Variants in UXS1 observed in about 807,000 individuals in gnomAD.
UXS1 encodes the protein UDP-glucuronate decarboxylase 1, also known as UDP-glucuronic acid decarboxylase 1.
In UXS1, 33 loss-of-function variants were observed where a neutral mutation model predicts 62.6. That is an observed-to-expected ratio of 0.53 (90% confidence interval 0.40 to 0.70). The LOEUF is 0.70. Among genes scored for constraint, UXS1 ranks in the 30% least tolerant of loss-of-function variants. The probability of loss-of-function intolerance (pLI) is 0.00; values close to 1 mark genes in which losing one functional copy is unlikely to be tolerated. For synonymous variants in UXS1, 213 were observed against 206.8 expected, an observed-to-expected ratio of 1.03 and a Z score of -0.26; for missense variants, 434 against 556.3, an observed-to-expected ratio of 0.78 and a Z score of 2.21.
chr2:106,129,293 TG>T (rs1680231062), intron 7 of UXS1, among the ~76,000 whole-genome samples: 1 of 152,194 alleles, frequency 6.6e-6, no homozygotes, highest in Non-Finnish European at 1.5e-5. Context: ...GAGCCACCAC[TG>T]CCTCTTTCCA....
intron 5 of UXS1, among the ~76,000 whole-genome samples, chr2:106,152,256 A>G (rs983811566): frequency 2.0e-5 from 3 of 152,194 alleles, no homozygotes; most frequent in Admixed American, 6.5e-5. Context: ...GTTCAAGACC[A>G]GCCTGGCCAA....
Position 106,180,100 on chromosome 2 carries a change from C to T in UXS1, c.95-14017G>A, listed in dbSNP as rs1684146461. ...CTCCAGCCTAGGCGACAGAGCGAGACTCCGTCTCAAAAAAGAAAGATTTCC... is the reference window on the plus strand; with the variant it reads ...CTCCAGCCTAGGCGACAGAGCGAGATTCCGTCTCAAAAAAGAAAGATTTCC... On this transcript the variant is annotated intron_variant, in intron 1 of 14. Coordinates refer to ENST00000283148, the MANE Select transcript of UXS1 (RefSeq NM_001253875.2). Among the ~76,000 whole-genome samples, 3 of 152,322 alleles carry T rather than the reference C, an allele frequency of 2.0e-5. No homozygotes were observed. In the South Asian group the frequency reaches 6.2e-4, roughly 32 times the overall value.
intron 6 of UXS1, among the ~76,000 whole-genome samples, chr2:106,140,480 C>A (rs1281307844): frequency 1.3e-5 from 2 of 152,104 alleles, no homozygotes; most frequent in Admixed American, 1.3e-4. Flanking sequence ...GGACTCAATC[C>A]CCTTGGCAAA....
chr2:106,136,711 A>G (rs1292135698), intron 6 of UXS1, among the ~76,000 whole-genome samples: 3 of 54,716 alleles, frequency 5.5e-5, no homozygotes, highest in Admixed American at 4.8e-4. Flanking sequence ...GAATTGAACA[A>G]TGAGATCACA....
intron 10 of UXS1, among the ~76,000 whole-genome samples, chr2:106,105,741 C>A (rs899360540): frequency 3.3e-5 from 5 of 152,232 alleles, no homozygotes; most frequent in Admixed American, 2.6e-4. Flanking sequence ...CGGATCACGC[C>A]ACTCACTGAG....
chr2:106,173,705 C>T (rs1683703811), intron 1 of UXS1, among the ~76,000 whole-genome samples: 1 of 152,214 alleles, frequency 6.6e-6, no homozygotes, highest in South Asian at 2.1e-4. Context: ...GGCTGTGCTC[C>T]CACACAACTT....
chr2:106,176,389 T>A (rs1683881669), intron 1 of UXS1, among the ~76,000 whole-genome samples: 1 of 152,226 alleles, frequency 6.6e-6, no homozygotes, highest in Non-Finnish European at 1.5e-5. Context: ...AAGAAAAGCA[T>A]TCAAAGTTTT....
At chr2:106,152,717 A>G (rs1682136292) in intron 5 of UXS1, among the ~76,000 whole-genome samples, 1 of 152,156 alleles carries the variant, frequency 6.6e-6, no homozygotes, top group East Asian at 1.9e-4. Flanking sequence ...GGGTGTGGCC[A>G]AGAAAATGAG....
At chr2:106,109,585 C>T (rs553974126) in intron 10 of UXS1, among the ~76,000 whole-genome samples, 1 of 152,314 alleles carries the variant, frequency 6.6e-6, no homozygotes, top group Non-Finnish European at 1.5e-5. Context: ...GGACCAAAGC[C>T]TCTTCGAAAA....
At position 106,096,781 on chromosome 2, in the gene UXS1, A is replaced by G. The variant is rs755890003; in HGVS notation, c.1083T>C (p.Asp361=). ...TGTCTGGTTTTCTTTTCTGTGGGTC[A>G]TCCTGGGCTTCGGAGAGAAACTGAA... is the stretch of plus-strand genomic sequence containing the variant. ...SEIQFLSEAQ[D]DPQKRKPDIK... The change falls in exon 14 of 15, where the codon GAT becomes GAC. Residue 361 remains aspartate, a synonymous_variant. Coordinates refer to ENST00000283148, the MANE Select transcript of UXS1 (RefSeq NM_001253875.2). 6.3e-7 allele frequency: 1 copy of G among 1,594,078 alleles called. No homozygotes were observed. Among genetic ancestry groups the G allele is most frequent in the Admixed American group, 1.7e-5 (1 of 57,376 alleles).
intron 5 of UXS1, 154 bp from the exon 6 acceptor site, chr2:106,145,524 T>A (rs1172895105): frequency 1.6e-5 from 14 of 878,780 alleles, no homozygotes; most frequent in Non-Finnish European, 2.3e-5. Context: ...TAAGGTAGCA[T>A]CTTGACTCTT....
intron 1 of UXS1, among the ~76,000 whole-genome samples, chr2:106,193,860 C>T (rs1466553775): frequency 1.3e-5 from 2 of 152,132 alleles, no homozygotes; most frequent in Non-Finnish European, 2.9e-5. Context: ...CCGCCGAGTC[C>T]CCCGCGCCCG....
intron 10 of UXS1, among the ~76,000 whole-genome samples, chr2:106,108,941 TACCCTCGATATCTGATC>T (rs200638428): frequency 1.9e-3 from 285 of 152,110 alleles, no homozygotes; most frequent in African/African-American, 5.8e-3. Context: ...AAGAAACCCT[TACCCTCGATATCTGATC>T]ACCCTCGACA....
At chr2:106,115,984 G>T (rs1480465933) in intron 9 of UXS1, among the ~76,000 whole-genome samples, 1 of 152,162 alleles carries the variant, frequency 6.6e-6, no homozygotes. Context: ...AGGCCCTTTG[G>T]AAACACGAAC....
intron 9 of UXS1, among the ~76,000 whole-genome samples, chr2:106,118,103 C>A (rs1229955108): frequency 4.6e-5 from 7 of 152,222 alleles, no homozygotes; most frequent in Admixed American, 3.9e-4. Context: ...GGCCAGCAGG[C>A]ACCCAGTGAG....
chr2:106,120,934 C>T (rs191327607), intron 9 of UXS1, among the ~76,000 whole-genome samples: 220 of 152,314 alleles, frequency 1.4e-3, no homozygotes, highest in African/African-American at 5.1e-3. Flanking sequence ...GCTGACCACA[C>T]GGGGGGCTTC....
chr2:106,111,591 C>T lies in UXS1; in HGVS notation c.879+1055G>A, dbSNP rs374219853. On this transcript the variant is annotated intron_variant, in intron 10 of 14. Coordinates refer to ENST00000283148, the MANE Select transcript of UXS1 (RefSeq NM_001253875.2). ...CAAAACCCAGGCTACCACTGTGTGG[C>T]CACCTAAGCTTGGGCAACTCATATA... 5.3e-5 allele frequency among the ~76,000 whole-genome samples: 8 copies of T among 152,244 alleles called. No individual in the cohort carries two copies. In the East Asian group the frequency reaches 7.7e-4, roughly 15 times the overall value.
At chr2:106,190,758 A>AAAG (rs1235546018) in intron 1 of UXS1, among the ~76,000 whole-genome samples, 1 of 151,526 alleles carries the variant, frequency 6.6e-6, no homozygotes, top group East Asian at 1.9e-4. Context: ...AAAAAAAAAA[A>AAAG]AGAAATGAAG....
intron 7 of UXS1, among the ~76,000 whole-genome samples, chr2:106,126,326 C>T (rs1679946530): frequency 6.6e-6 from 1 of 152,164 alleles, no homozygotes; most frequent in African/African-American, 2.4e-5. Flanking sequence ...TCCCAGTGTA[C>T]AGTGGTTCAC....
Sources: gnomAD v4.1 joint callset for allele counts (sites outside exome capture counted in the v4.1 genomes callset) on GRCh38, gnomAD v4.1.1 for gene constraint, MANE v1.5 for transcripts, NCBI Gene and HGNC (gene_info 2026-07-23, HGNC 2026-07-21) for gene names.